The following KCNN2 variants were observed in gnomAD, a reference collection of about 807,000 sequenced individuals.
KCNN2 encodes the protein small conductance calcium-activated potassium channel protein 2.
In KCNN2, 24 loss-of-function variants were observed where a neutral mutation model predicts 55.5. The ratio of observed to expected loss-of-function variants is 0.43; its 90% CI spans 0.31 to 0.61. The LOEUF (loss-of-function observed/expected upper bound fraction) is 0.61, where lower values mean the gene tolerates loss of function less well. Ranked by LOEUF, KCNN2 falls within the 20% of genes least tolerant of loss-of-function variation. The probability of loss-of-function intolerance (pLI) is 0.08; values close to 1 mark genes in which losing one functional copy is unlikely to be tolerated. For missense variants in KCNN2, 754 were observed against 853.6 expected (o/e 0.88, Z 1.45); for synonymous variants, 431 against 336.1 (o/e 1.28, Z -3.09).
chr5:114,119,308 C>T (rs1751780657), intron 1 of KCNN2, among the ~76,000 whole-genome samples: 2 of 152,118 alleles, frequency 1.3e-5, no homozygotes, highest in Admixed American at 1.3e-4. Flanking sequence ...ACAACCAAAT[C>T]GTACTTAGAT....
At chr5:114,112,827 G>T (rs1049269898) in intron 1 of KCNN2, among the ~76,000 whole-genome samples, 1 of 151,816 alleles carries the variant, frequency 6.6e-6, no homozygotes, top group Non-Finnish European at 1.5e-5. Context: ...GAGAGTGAGG[G>T]CATATTACTT....
At chr5:114,475,875 G>C (rs1441734425) in intron 5 of KCNN2, among the ~76,000 whole-genome samples, 11 of 151,992 alleles carry the variant, frequency 7.2e-5, no homozygotes, top group African/African-American at 2.4e-4. Flanking sequence ...CAGCTTTTTT[G>C]TTGTAAGTTC....
chr5:114,408,722 C>G (rs1255316049), intron 3 of KCNN2, among the ~76,000 whole-genome samples: 1 of 152,170 alleles, frequency 6.6e-6, no homozygotes, highest in Non-Finnish European at 1.5e-5. Context: ...GCATCTGCTT[C>G]CAAAGGCCAA....
At chr5:114,345,789 T>A (rs1174998993) in intron 2 of KCNN2, among the ~76,000 whole-genome samples, 5 of 152,114 alleles carry the variant, frequency 3.3e-5, no homozygotes, top group Non-Finnish European at 4.4e-5. Context: ...TTTTATTTTT[T>A]ATTTTTTTTG....
chr5:114,463,068 G>C lies in KCNN2; in HGVS notation c.1657G>C (p.Val553Leu). 1.2e-6 allele frequency: 2 copies of C among 1,613,316 alleles called. No homozygotes were observed. The highest frequency in any genetic ancestry group is 1.7e-6 in the Non-Finnish European group (2 of 1,179,680). The change falls in exon 4 of 8, where the codon GTT becomes CTT. Residue 553 changes from valine to leucine, a missense_variant. By Grantham distance (32) the Val-to-Leu change is conservative. Transcript: ENST00000673685. ...ACERYHDQQD[V>L]TSNFLGAMWL... ...TTTCAGGTACCATGATCAACAGGAT[G>C]TTACTAGCAACTTCCTTGGAGCGAT...
At chr5:114,130,440 G>A (rs770014556) in intron 1 of KCNN2, among the ~76,000 whole-genome samples, 5 of 152,238 alleles carry the variant, frequency 3.3e-5, no homozygotes, top group Admixed American at 1.3e-4. Flanking sequence ...GGATCTTTCC[G>A]TTGGAATTAC....
chr5:114,085,096 C>G (rs1025923337), intron 1 of KCNN2, among the ~76,000 whole-genome samples: 12 of 151,292 alleles, frequency 7.9e-5, no homozygotes, highest in African/African-American at 2.9e-4. Flanking sequence ...TAGCTAGTAC[C>G]GTGCTGTCTT....
chr5:114,211,060 A>C (rs1753871527), intron 1 of KCNN2, among the ~76,000 whole-genome samples: 1 of 152,226 alleles, frequency 6.6e-6, no homozygotes, highest in African/African-American at 2.4e-5. Flanking sequence ...TTAAAAAAAA[A>C]CAGATGGTTG....
intron 3 of KCNN2, among the ~76,000 whole-genome samples, chr5:114,451,712 T>C (rs577503307): frequency 1.3e-5 from 2 of 152,010 alleles, no homozygotes; most frequent in African/African-American, 4.8e-5. Context: ...CTGCCTAACA[T>C]GGTGAAACCC....
At chr5:114,173,457 TG>T (rs1195809498) in intron 1 of KCNN2, among the ~76,000 whole-genome samples, 1 of 145,428 alleles carries the variant, frequency 6.9e-6, no homozygotes, top group African/African-American at 2.8e-5. Flanking sequence ...TGTGTGTGTG[TG>T]TGTGTGTGTG....
chr5:114,124,115 G>C (rs1486576237), intron 1 of KCNN2, among the ~76,000 whole-genome samples: 4 of 152,078 alleles, frequency 2.6e-5, no homozygotes, highest in Non-Finnish European at 5.9e-5. Flanking sequence ...TCCATTTTCT[G>C]CTAGTTTGAT....
At chr5:114,198,848 G>A (rs116361740) in intron 1 of KCNN2, among the ~76,000 whole-genome samples, 4,552 of 152,048 alleles carry the variant, frequency 0.03, 233 homozygotes, top group African/African-American at 0.1. Context: ...GTAGCCTAAC[G>A]TGTGGTCTGT....
chr5:114,336,899 G>A (rs1376666400), intron 2 of KCNN2, among the ~76,000 whole-genome samples: 1 of 152,132 alleles, frequency 6.6e-6, no homozygotes, highest in Non-Finnish European at 1.5e-5. Flanking sequence ...CACAAGAAGA[G>A]ACTCAGAGCC....
chr5:114,085,794 T>G (rs1751003820), intron 1 of KCNN2, among the ~76,000 whole-genome samples: 1 of 152,094 alleles, frequency 6.6e-6, no homozygotes, highest in South Asian at 2.1e-4. Flanking sequence ...AACTTTTGTC[T>G]TTGATTCCAT....
intron 3 of KCNN2, among the ~76,000 whole-genome samples, chr5:114,462,319 G>A (rs898354): frequency 6.6e-6 from 1 of 152,036 alleles, no homozygotes; most frequent in African/African-American, 2.4e-5. Flanking sequence ...GAATGATTAG[G>A]ATACTTTGTA....
At chr5:114,098,969 AT>A (rs1178396088) in intron 1 of KCNN2, among the ~76,000 whole-genome samples, 1 of 152,096 alleles carries the variant, frequency 6.6e-6, no homozygotes, top group Non-Finnish European at 1.5e-5. Flanking sequence ...ATCCACAAAT[AT>A]CCCTCCCAGC....
intron 2 of KCNN2, among the ~76,000 whole-genome samples, chr5:114,287,829 A>C (rs1046447618): frequency 6.6e-6 from 1 of 152,030 alleles, no homozygotes; most frequent in Non-Finnish European, 1.5e-5. Context: ...GTAAACTACA[A>C]AACTTTTAGA....
chr5:114,479,817 A>G (rs1762143545), intron 5 of KCNN2, among the ~76,000 whole-genome samples: 1 of 152,214 alleles, frequency 6.6e-6, no homozygotes, highest in Non-Finnish European at 1.5e-5. Context: ...GAAATCAAGA[A>G]GTTCTTTGAA....
intron 1 of KCNN2, among the ~76,000 whole-genome samples, chr5:114,062,324 A>G (rs1196157412): frequency 2.6e-5 from 4 of 152,220 alleles, no homozygotes; most frequent in Non-Finnish European, 5.9e-5. Context: ...CATGCAGTGC[A>G]GCAAGAGGAT....
Sources: allele counts gnomAD v4.1 joint callset (sites outside exome capture counted in the v4.1 genomes callset), GRCh38; gene constraint gnomAD v4.1.1; transcripts MANE v1.5; gene names NCBI Gene and HGNC (gene_info 2026-07-23, HGNC 2026-07-21).